MTREX: variants seen among roughly 807,000 people sequenced by gnomAD.
The protein encoded by MTREX is exosome RNA helicase MTR4.
MTREX carries 76 observed loss-of-function variants against 135.4 expected under a neutral mutation model. That is an observed-to-expected ratio of 0.56 (90% CI 0.47 to 0.68). MTREX has a LOEUF of 0.68. Ranked by LOEUF, MTREX falls within the 30% of genes least tolerant of loss-of-function variation. The pLI is 0.00. For synonymous variants in MTREX, 404 were observed against 401.6 expected (o/e 1.01, Z -0.07); for missense variants, 920 against 1,262.1 (o/e 0.73, Z 4.11).
chr5:55,320,319 A>G (rs1749267585), intron 1 of MTREX, among the ~76,000 whole-genome samples: 1 of 150,470 alleles, frequency 6.6e-6, no homozygotes. Context: ...CCGGGTTCAC[A>G]CCATTCTACC....
intron 22 of MTREX, among the ~76,000 whole-genome samples, chr5:55,407,353 C>G (rs1361178636): frequency 6.6e-6 from 1 of 152,140 alleles, no homozygotes; most frequent in Non-Finnish European, 1.5e-5. Flanking sequence ...AGGATTAAAT[C>G]TAAACTGCAG....
chr5:55,309,604 G>T (rs575501947), intron 1 of MTREX, among the ~76,000 whole-genome samples: 1 of 152,300 alleles, frequency 6.6e-6, no homozygotes, highest in East Asian at 1.9e-4. Flanking sequence ...AAACAGGGAC[G>T]TTCAGAGGTT....
intron 18 of MTREX, among the ~76,000 whole-genome samples, chr5:55,384,955 A>G (rs553039183): frequency 6.6e-6 from 1 of 152,188 alleles, no homozygotes; most frequent in Non-Finnish European, 1.5e-5. Context: ...AATTTAGCCT[A>G]TATCTCCAAT....
chr5:55,344,643 TAAA>T, intron 9 of MTREX, 23 bp downstream of exon 9: 2 of 1,342,880 alleles, frequency 1.5e-6, no homozygotes, highest in Non-Finnish European at 2.1e-6. Context: ...TTGTCCTTTT[TAAA>T]TCTATAATGT....
chr5:55,395,061 T>C (rs1750626726), intron 19 of MTREX, among the ~76,000 whole-genome samples: 1 of 147,484 alleles, frequency 6.8e-6, no homozygotes, highest in Admixed American at 6.8e-5. Flanking sequence ...AAAGGATTTA[T>C]AACCATATGA....
intron 25 of MTREX, among the ~76,000 whole-genome samples, chr5:55,418,222 A>C (rs1352121216): frequency 7.6e-6 from 1 of 132,278 alleles, no homozygotes; most frequent in Non-Finnish European, 1.6e-5. Context: ...TGACAGAGCG[A>C]GACACCATCT....
At chr5:55,346,201 C>T (rs1018272307) in intron 10 of MTREX, among the ~76,000 whole-genome samples, 6 of 152,146 alleles carry the variant, frequency 3.9e-5, no homozygotes, top group Non-Finnish European at 4.4e-5. Context: ...GGAATTGCTG[C>T]ACCATGTGGA....
chr5:55,314,759 A>G (rs1323700761), intron 1 of MTREX, among the ~76,000 whole-genome samples: 2 of 152,202 alleles, frequency 1.3e-5, no homozygotes, highest in African/African-American at 4.8e-5. Flanking sequence ...GGTTTCATGG[A>G]AGACAGTTTT....
intron 1 of MTREX, among the ~76,000 whole-genome samples, chr5:55,309,677 G>C (rs146556720): frequency 4.6e-4 from 70 of 152,314 alleles, no homozygotes; most frequent in Non-Finnish European, 5.4e-4. Flanking sequence ...TATGTCTGTA[G>C]GAAAATGTCC....
chr5:55,367,719 T>C (rs1400316362), intron 16 of MTREX, among the ~76,000 whole-genome samples: 2 of 152,242 alleles, frequency 1.3e-5, no homozygotes, highest in Non-Finnish European at 2.9e-5. Context: ...ACATTGATTC[T>C]TACCTTAGAG....
At chr5:55,315,402 A>G (rs994566243) in intron 1 of MTREX, among the ~76,000 whole-genome samples, 18 of 152,134 alleles carry the variant, frequency 1.2e-4, no homozygotes, top group East Asian at 7.7e-4. Flanking sequence ...AAATCCTTGT[A>G]TGGTTTTATT....
Position 55,410,615 on chromosome 5 carries a change from G to T in MTREX, c.2737G>T (p.Val913Leu), listed in dbSNP as rs977735900. Residue 913 changes from valine to leucine, a missense_variant, in exon 23 of 27, where the codon GTG becomes TTG. Val to Leu is a conservative substitution (Grantham distance 32). Coordinates refer to ENST00000230640, the MANE Select transcript of MTREX (RefSeq NM_015360.5). ...EQATALLSCF[V>L]FQENSSEMPK... ...GGCAACAGCATTATTAAGCTGCTTTGTGTTTCAAGAGAATGTAAGTTAATT... is the reference window on the plus strand; with the variant it reads ...GGCAACAGCATTATTAAGCTGCTTTTTGTTTCAAGAGAATGTAAGTTAATT... 6.2e-7 allele frequency: 1 copy of T among 1,600,758 alleles called. No individual in the cohort carries two copies. The highest frequency in any genetic ancestry group is 8.5e-7 in the Non-Finnish European group (1 of 1,171,408).
intron 5 of MTREX, among the ~76,000 whole-genome samples, chr5:55,333,725 G>A (rs1749510837): frequency 6.6e-6 from 1 of 152,090 alleles, no homozygotes; most frequent in African/African-American, 2.4e-5. Flanking sequence ...ATATGACCCA[G>A]CAATTCTACT....
chr5:55,395,481 T>C (rs1386476882), intron 19 of MTREX, among the ~76,000 whole-genome samples: 1 of 152,168 alleles, frequency 6.6e-6, no homozygotes, highest in Non-Finnish European at 1.5e-5. Flanking sequence ...AGTAATTTAC[T>C]ATGGCAAGAA....
At chr5:55,321,897 C>T (rs1381462152) in intron 1 of MTREX, among the ~76,000 whole-genome samples, 2 of 152,036 alleles carry the variant, frequency 1.3e-5, no homozygotes, top group East Asian at 1.9e-4. Context: ...TATGAGCCAC[C>T]GTGCCCGGCT....
intron 14 of MTREX, among the ~76,000 whole-genome samples, chr5:55,357,726 T>A (rs1749944051): frequency 6.6e-6 from 1 of 152,196 alleles, no homozygotes; most frequent in African/African-American, 2.4e-5. Flanking sequence ...GAGTTACAGT[T>A]TTTTTAAAAG....
intron 1 of MTREX, among the ~76,000 whole-genome samples, chr5:55,315,353 C>G (rs1290330841): frequency 6.6e-6 from 1 of 152,058 alleles, no homozygotes; most frequent in Non-Finnish European, 1.5e-5. Flanking sequence ...TCACGTTTGT[C>G]GTTCTTGTTG....
At chr5:55,310,384 G>C (rs996818701) in intron 1 of MTREX, among the ~76,000 whole-genome samples, 2 of 152,196 alleles carry the variant, frequency 1.3e-5, no homozygotes, top group African/African-American at 4.8e-5. Context: ...GAGGCTGGCA[G>C]ATCACCTGAG....
intron 1 of MTREX, 90 bp downstream of exon 1, chr5:55,308,237 G>T: frequency 1.4e-6 from 2 of 1,445,348 alleles, no homozygotes; most frequent in South Asian, 1.4e-5. Context: ...ACGAGAAAGT[G>T]AAGTGTACAT....
Sources: allele counts gnomAD v4.1 joint callset (sites outside exome capture counted in the v4.1 genomes callset), GRCh38; gene constraint gnomAD v4.1.1; transcripts MANE v1.5; gene names NCBI Gene and HGNC (gene_info 2026-07-23, HGNC 2026-07-21).